The following DLGAP2 variants were observed in gnomAD, a reference collection of about 807,000 sequenced individuals.
DLGAP2 encodes disks large-associated protein 2.
Under a neutral mutation model 100.3 loss-of-function variants are expected in DLGAP2, and 26 were observed. That is an observed-to-expected ratio of 0.26 (90% confidence interval 0.19 to 0.36). DLGAP2 has a LOEUF of 0.36. DLGAP2 is among the 10% of genes least tolerant of loss of function. The pLI, the probability that DLGAP2 is intolerant of heterozygous loss-of-function variation, is 1.00. For missense variants in DLGAP2, 1,858 were observed against 1,453.2 expected, an observed-to-expected ratio of 1.28 and a Z score of -4.53; for synonymous variants, 886 against 630.1, an observed-to-expected ratio of 1.41 and a Z score of -6.08.
rs1801317203 is a variant in DLGAP2, at chr8:1,337,533, G to T, written c.106+78650G>T. On this transcript the variant is annotated intron_variant, in intron 3 of 14. Coordinates refer to ENST00000637795, the MANE Select transcript of DLGAP2 (RefSeq NM_001346810.2). ...TGATGGTGATGCTGATGATAGTGAT[G>T]ATGATGATGATGATCATAATGGTGG... is the stretch of plus-strand genomic sequence containing the variant. Among the ~76,000 whole-genome samples the T allele has an allele frequency of 1.3e-5, 2 of 151,508 alleles. 1 individual carries two copies. The highest frequency in any genetic ancestry group is 2.9e-5 in the Non-Finnish European group (2 of 67,866).
chr8:1,528,770 A>G (rs796138823), intron 4 of DLGAP2, among the ~76,000 whole-genome samples: 8 of 152,344 alleles, frequency 5.3e-5, no homozygotes, highest in African/African-American at 1.9e-4. Context: ...GGATGAGCCA[A>G]GGAGGAGACA....
In DLGAP2 at chr8:1,476,008, T is replaced by A. The variant is rs60150265; in HGVS notation, c.107-25358T>A. Among the ~76,000 whole-genome samples the A allele has an allele frequency of 9.7e-3, 1,483 of 152,272 alleles. 28 individuals carry two copies. The highest frequency in any genetic ancestry group is 0.034 in the African/African-American group (1,431 of 41,546). ...TGCTGGAGGCAGAGCTGGCCAACAC[T>A]CCTTTTGAATAAGGAAATATGAGGA... On this transcript the variant is annotated intron_variant, in intron 3 of 14. Transcript: ENST00000637795.
At chr8:858,946 G>C (rs1425204609) in intron 1 of DLGAP2, among the ~76,000 whole-genome samples, 2 of 152,176 alleles carry the variant, frequency 1.3e-5, no homozygotes, top group African/African-American at 4.8e-5. Context: ...GCTGTTAATG[G>C]TGGGGAAACT....
rs546659909 is a variant in DLGAP2, at chr8:1,097,154, C to T, written c.74-161697C>T. ...TCACCCTCTGTGGCATGCAGAGGTC[C>T]CCTCCAGCGTGAGACCCAGCTCCCT... On this transcript the variant is annotated intron_variant, in intron 2 of 14. Transcript: ENST00000637795. 6.1e-5 allele frequency among the ~76,000 whole-genome samples: 8 copies of T among 130,276 alleles called. 1 individual carries two copies. The highest frequency in any genetic ancestry group is 5.2e-3 in the Middle Eastern group (1 of 192). The allele number at this position is 130,276 out of a possible 152,430, so 85.5% of individuals were successfully genotyped here. A position where few individuals can be genotyped will look rare whatever the true frequency, so the allele number is the denominator to read the frequency against.
chr8:1,534,813 A>G (rs1044639254), intron 4 of DLGAP2, among the ~76,000 whole-genome samples: 2 of 152,078 alleles, frequency 1.3e-5, no homozygotes, highest in Admixed American at 6.6e-5. Flanking sequence ...TGTGCGCGTG[A>G]TGTGTGTGCG....
intron 1 of DLGAP2, among the ~76,000 whole-genome samples, chr8:785,404 C>T (rs1821821546): frequency 1.3e-5 from 2 of 149,936 alleles, no homozygotes; most frequent in South Asian, 4.2e-4. Flanking sequence ...CTTCTCTCCT[C>T]CCCTCAGGTC....
intron 2 of DLGAP2, among the ~76,000 whole-genome samples, chr8:1,021,811 G>T (rs186528835): frequency 2.3e-4 from 35 of 152,268 alleles, no homozygotes; most frequent in African/African-American, 8.4e-4. Flanking sequence ...GCACACCACT[G>T]TCAGTGGTGG....
chr8:1,633,114 G>T, intron 8 of DLGAP2, 68 bp downstream of exon 8: 1 of 1,515,128 alleles, frequency 6.6e-7, no homozygotes, highest in Non-Finnish European at 9.1e-7. Flanking sequence ...ATCCTAGAAG[G>T]AGCGAGCAGC....
chr8:794,509 A>G (rs186789469), intron 1 of DLGAP2, among the ~76,000 whole-genome samples: 146 of 152,342 alleles, frequency 9.6e-4, no homozygotes, highest in Non-Finnish European at 1.8e-3. Flanking sequence ...GCTGAATTAA[A>G]GGAATAGGTT....
intron 3 of DLGAP2, among the ~76,000 whole-genome samples, chr8:1,487,951 C>A (rs970934083): frequency 6.6e-6 from 1 of 152,212 alleles, no homozygotes; most frequent in African/African-American, 2.4e-5. Context: ...TTTCCCGGGA[C>A]ATTCACTGTG....
intron 3 of DLGAP2, among the ~76,000 whole-genome samples, chr8:1,425,853 C>T (rs779873978): frequency 1.3e-5 from 2 of 152,116 alleles, no homozygotes; most frequent in East Asian, 3.9e-4. Flanking sequence ...CAGTTCAGTG[C>T]CTGAGGCAGG....
rs1291421716 is a variant in DLGAP2 at position 1,501,381 on chromosome 8, A to G, written c.122A>G (p.Asp41Gly). Residue 41 changes from aspartate to glycine, a missense_variant, in exon 4 of 15, where the codon GAC becomes GGC. Physicochemically the swap from Asp to Gly is moderately conservative, Grantham distance 94. Coordinates refer to ENST00000637795, the MANE Select transcript of DLGAP2 (RefSeq NM_001346810.2). ...GTCTTTGCAGAGGAAGAAGCTGGAG[A>G]CTTGGTCCAGCCGGGCATCAGCTTT... ...CGEPEEEEAG[D>G]LVQPGISFPG... The G allele has an allele frequency of 3.9e-6, 6 of 1,535,750 alleles. No individual in the cohort carries two copies. The highest frequency in any genetic ancestry group is 5.2e-6 in the Non-Finnish European group (6 of 1,146,742).
intron 1 of DLGAP2, among the ~76,000 whole-genome samples, chr8:795,642 A>G (rs1238660466): frequency 7.5e-6 from 1 of 133,216 alleles, no homozygotes; most frequent in African/African-American, 2.6e-5. Flanking sequence ...GCGTCCAGTG[A>G]GAGCAGGCGT....
rs1266090055 is a variant in DLGAP2, at chr8:1,239,345, G to A, written c.74-19506G>A. ...GCCTAGTTCTGTCTCACATGGGGCCGTGTCTAGTTCTCTCACATGGCGCCG... is the reference window on the plus strand; with the variant it reads ...GCCTAGTTCTGTCTCACATGGGGCCATGTCTAGTTCTCTCACATGGCGCCG... On this transcript the variant is annotated intron_variant, in intron 2 of 14. Coordinates refer to ENST00000637795, the MANE Select transcript of DLGAP2 (RefSeq NM_001346810.2). Among the ~76,000 whole-genome samples, 2 of 19,348 alleles carry A rather than the reference G, an allele frequency of 1.0e-4. 1 individual carries two copies. The highest frequency in any genetic ancestry group is 1.9e-4 in the Non-Finnish European group (2 of 10,748). The allele number at this position is 19,348 out of a possible 152,430, so 12.7% of individuals were successfully genotyped here. A position where few individuals can be genotyped will look rare whatever the true frequency, so the allele number is the denominator to read the frequency against.
intron 1 of DLGAP2, among the ~76,000 whole-genome samples, chr8:818,429 G>T (rs1192872560): frequency 6.6e-6 from 1 of 152,212 alleles, no homozygotes; most frequent in Admixed American, 6.5e-5. Flanking sequence ...AACTTTCCCT[G>T]AACCACGAAC....
intron 3 of DLGAP2, chr8:1,296,082 T>A (rs967773339): frequency 2.0e-5 from 3 of 152,218 alleles, no homozygotes; most frequent in African/African-American, 7.2e-5. Context: ...GTTCGCCTGA[T>A]GCCTGTAAAC....
At chr8:1,471,945 C>T (rs939933513) in intron 3 of DLGAP2, among the ~76,000 whole-genome samples, 2 of 152,244 alleles carry the variant, frequency 1.3e-5, no homozygotes, top group Admixed American at 6.5e-5. Flanking sequence ...CCCAGTACAA[C>T]ATCATTAAAT....
chr8:1,608,254 TG>T (rs1224857186), intron 6 of DLGAP2, among the ~76,000 whole-genome samples: 330 of 121,006 alleles, frequency 2.7e-3, no homozygotes, highest in African/African-American at 8.8e-3. Context: ...GCAGCCTAAC[TG>T]GGAGGCACCC....
intron 2 of DLGAP2, among the ~76,000 whole-genome samples, chr8:1,234,658 A>T (rs62486949): frequency 0.11 from 16,713 of 152,142 alleles, 1,043 homozygotes; most frequent in South Asian, 0.17. Flanking sequence ...TCTGGAACAG[A>T]TCGAGAACGA....
Sources: gnomAD v4.1 joint callset for allele counts (sites outside exome capture counted in the v4.1 genomes callset) on GRCh38, gnomAD v4.1.1 for gene constraint, MANE v1.5 for transcripts, NCBI Gene and HGNC (gene_info 2026-07-23, HGNC 2026-07-21) for gene names.